Variants in CDH3 observed in about 807,000 individuals in gnomAD.
CDH3 encodes the protein cadherin 3.
CDH3 carries 54 observed loss-of-function variants against 82.0 expected under a neutral mutation model. The ratio of observed to expected loss-of-function variants is 0.66; its 90% confidence interval spans 0.53 to 0.83. CDH3 has a LOEUF of 0.83. CDH3 is among the 40% of genes least tolerant of loss of function. The pLI is 0.00. For synonymous variants in CDH3, 446 were observed against 437.9 expected, an observed-to-expected ratio of 1.02 and a Z score of -0.23; for missense variants, 1,054 against 1,084.6, an observed-to-expected ratio of 0.97 and a Z score of 0.40.
At chr16:68,661,553 T>C (rs1960579433) in intron 2 of CDH3, among the ~76,000 whole-genome samples, 1 of 152,210 alleles carries the variant, frequency 6.6e-6, no homozygotes, top group Non-Finnish European at 1.5e-5. Context: ...AGTGAAATTG[T>C]TGGGTCATGT....
intron 1 of CDH3, among the ~76,000 whole-genome samples, chr16:68,719,263 A>AT (rs1467705442): frequency 2.0e-5 from 3 of 151,666 alleles, no homozygotes; most frequent in Non-Finnish European, 4.4e-5. Context: ...AGAAAAAAAA[A>AT]AAAGATAAAA....
chr16:68,691,593 G>A, intron 12 of CDH3, 127 bp from the exon 13 acceptor site: 1 of 760,986 alleles, frequency 1.3e-6, no homozygotes, highest in South Asian at 1.4e-5. Flanking sequence ...ATTTTCCAAA[G>A]TGTGCTTGTG....
intron 1 of CDH3, among the ~76,000 whole-genome samples, chr16:68,711,360 AAAG>A (rs1962029364): frequency 7.0e-6 from 1 of 141,992 alleles, no homozygotes; most frequent in Non-Finnish European, 1.6e-5. Context: ...AAAGAAAAGG[AAAG>A]AAGAAAGAAA....
intron 1 of CDH3, among the ~76,000 whole-genome samples, chr16:68,715,824 G>C (rs1962089186): frequency 2.0e-5 from 3 of 152,158 alleles, no homozygotes; most frequent in African/African-American, 7.2e-5. Context: ...CCCTCTCCTT[G>C]CTGGTGGGCA....
intron 6 of CDH3, 59 bp downstream of exon 6, chr16:68,678,965 A>C: frequency 6.5e-7 from 1 of 1,549,988 alleles, no homozygotes; most frequent in South Asian, 1.1e-5. Context: ...AAATGCTAAA[A>C]GATCCCACCA....
intron 11 of CDH3, among the ~76,000 whole-genome samples, chr16:68,687,292 C>T (rs891503605): frequency 3.3e-5 from 5 of 152,140 alleles, no homozygotes; most frequent in Non-Finnish European, 7.3e-5. Context: ...GTTATAGTGG[C>T]TGTCTGGATG....
intron 12 of CDH3, among the ~76,000 whole-genome samples, chr16:68,690,682 G>A (rs979078735): frequency 6.6e-6 from 1 of 152,122 alleles, no homozygotes; most frequent in Non-Finnish European, 1.5e-5. Context: ...GCCGAGGAAG[G>A]TGGATCACGA....
At chr16:68,716,620 CAAAAAAAAAAAA>C (rs563385107) in intron 1 of CDH3, among the ~76,000 whole-genome samples, 5 of 103,200 alleles carry the variant, frequency 4.8e-5, no homozygotes, top group Non-Finnish European at 7.3e-5. Flanking sequence ...GACTCCGGCT[CAAAAAAAAAAAA>C]AAAAAAAGAA....
At chr16:68,668,129 C>A (rs146036475) in intron 2 of CDH3, among the ~76,000 whole-genome samples, 1 of 152,164 alleles carries the variant, frequency 6.6e-6, no homozygotes, top group African/African-American at 2.4e-5. Flanking sequence ...GAGGCTAATG[C>A]GGTCAAATGA....
intron 11 of CDH3, chr16:68,686,507 G>A: frequency 1.8e-6 from 2 of 1,141,678 alleles, no homozygotes; most frequent in South Asian, 1.2e-5. Context: ...AAGTATTGCA[G>A]CAACAGTAGT....
Position 68,679,860 on chromosome 16 carries a change from G to A in CDH3, c.753G>A (p.Gly251=), listed in dbSNP as rs146163112. Residue 251 remains glycine, a synonymous_variant, in exon 7 of 16, where the codon GGG becomes GGA. Coordinates refer to ENST00000264012, the MANE Select transcript of CDH3 (RefSeq NM_001793.6). ...DEDDAIYTYN[G]VVAYSIHSQE... The stretch of plus-strand genomic sequence containing the variant: ...ATGATGCCATCTACACCTACAATGG[G>A]GTGGTTGCTTACTCCATCCATAGCC... 1.1e-5 allele frequency: 17 copies of A among 1,613,134 alleles called. No individual in the cohort carries two copies. In the African/African-American group the frequency reaches 1.6e-4, roughly 15 times the overall value.
intron 2 of CDH3, among the ~76,000 whole-genome samples, chr16:68,670,316 C>T (rs1198684253): frequency 6.6e-6 from 1 of 151,958 alleles, no homozygotes; most frequent in African/African-American, 2.4e-5. Flanking sequence ...AACCTGACCA[C>T]CCTGGGTTCT....
chr16:68,706,363 C>A (rs1961963845), intron 1 of CDH3, among the ~76,000 whole-genome samples: 1 of 151,984 alleles, frequency 6.6e-6, no homozygotes, highest in Non-Finnish European at 1.5e-5. Context: ...TCCAGCACCA[C>A]CAGGCTCCTT....
intron 2 of CDH3, among the ~76,000 whole-genome samples, chr16:68,665,524 G>T (rs1341555786): frequency 6.6e-6 from 1 of 152,098 alleles, no homozygotes; most frequent in African/African-American, 2.4e-5. Flanking sequence ...GCAATAAATG[G>T]CTTACATTTA....
chr16:68,692,013 A>T, intron 13 of CDH3, 87 bp downstream of exon 13: 2 of 1,074,100 alleles, frequency 1.9e-6, no homozygotes, highest in Non-Finnish European at 2.7e-6. Flanking sequence ...TGGAACTAAG[A>T]GGCCACCAAC....
At chr16:68,690,750 T>C (rs1961542506) in intron 12 of CDH3, among the ~76,000 whole-genome samples, 1 of 151,864 alleles carries the variant, frequency 6.6e-6, no homozygotes, top group Admixed American at 6.6e-5. Context: ...CTACTAAAAA[T>C]ACAAAAATTA....
rs145679332 is a variant in CDH3, at chr16:68,711,488, T to C, written c.100-10937T>C. On this transcript the variant is annotated intron_variant, in intron 1 of 2. Coordinates refer to the CDH3 transcript ENST00000569080. ...CAGGTGCAGCAGGGCTACCCAAGGT[T>C]ACACAGGTGAGGAACTGCACACAGG... 8.1e-3 allele frequency among the ~76,000 whole-genome samples: 1,240 copies of C among 152,218 alleles called. 13 individuals carry two copies. Among genetic ancestry groups the C allele is most frequent in the African/African-American group, 0.027 (1,140 of 41,526 alleles).
At chr16:68,663,669 G>A (rs1310196255) in intron 2 of CDH3, among the ~76,000 whole-genome samples, 4 of 152,084 alleles carry the variant, frequency 2.6e-5, no homozygotes, top group African/African-American at 7.2e-5. Context: ...TGGGGGTAGA[G>A]ATGGAAGGGG....
At chr16:68,709,976 G>A (rs1008943140) in intron 1 of CDH3, among the ~76,000 whole-genome samples, 4 of 152,210 alleles carry the variant, frequency 2.6e-5, no homozygotes, top group African/African-American at 7.2e-5. Context: ...TGGCCTCTGC[G>A]CTGGTTAATT....
Sources: allele counts gnomAD v4.1 joint callset (sites outside exome capture counted in the v4.1 genomes callset), GRCh38; gene constraint gnomAD v4.1.1; transcripts MANE v1.5; gene names NCBI Gene and HGNC (gene_info 2026-07-23, HGNC 2026-07-21).